Variants in TTL observed in about 807,000 individuals in gnomAD.
TTL encodes the protein tubulin tyrosine ligase, also known as tubulin--tyrosine ligase.
TTL carries 10 observed loss-of-function variants against 41.1 expected under a neutral mutation model. That is an observed-to-expected ratio of 0.24 (90% confidence interval 0.15 to 0.41). The LOEUF is 0.41. TTL is among the 10% of genes least tolerant of loss of function. The pLI is 1.00. For synonymous variants in TTL, 175 were observed against 175.5 expected (o/e 1.00, Z 0.02); for missense variants, 367 against 460.4 (o/e 0.80, Z 1.86).
rs747482188 is a variant in TTL at position 112,541,452 on chromosome 2, C to T, written c.*12657C>T. 1 of 152,174 alleles carries T rather than the reference C, an allele frequency of 6.6e-6. No individual in the cohort carries two copies. Among genetic ancestry groups the T allele is most frequent in the East Asian group, 1.9e-4 (1 of 5,188 alleles). The allele number at this position is 152,174 out of a possible 1,614,324, so 9.4% of individuals were successfully genotyped here. A position where few individuals can be genotyped will look rare whatever the true frequency, so the allele number is the denominator to read the frequency against. ...TCACTAGAGGCCGGAAGTTCAAGAC[C>T]AGCCTGTGCAACAGACTCCCGGCTC... On this transcript the variant is annotated 3_prime_UTR_variant, in exon 7 of 7. Transcript: ENST00000233336.
rs1574075329 is a variant in TTL at position 112,529,095 on chromosome 2, A to T, written c.*300A>T. ...TCCCCGGGAACGGCAGGGCACTGGG[A>T]CCTCTGGTCGGTGCCTCCCACCCAC... On this transcript the variant is annotated 3_prime_UTR_variant, in exon 7 of 7. Transcript: ENST00000233336. 1 of 453,432 alleles carries T rather than the reference A, an allele frequency of 2.2e-6. No individual in the cohort carries two copies. The highest frequency in any genetic ancestry group is 4.0e-6 in the Non-Finnish European group (1 of 246,914). The allele number at this position is 453,432 out of a possible 1,614,324, so 28.1% of individuals were successfully genotyped here.
Position 112,541,326 on chromosome 2 carries a change from C to A in TTL, c.*12531C>A, listed in dbSNP as rs1682730797. ...TTGCAAATCATGGATCTGACAAGGA[C>A]TAGTATAGGCTATATAAAGAACTAC... is the stretch of plus-strand genomic sequence containing the variant. On this transcript the variant is annotated 3_prime_UTR_variant, in exon 7 of 7. Coordinates refer to ENST00000233336, the MANE Select transcript of TTL (RefSeq NM_153712.5). The A allele has an allele frequency of 6.6e-6, 1 of 152,222 alleles. No homozygotes were observed. Among genetic ancestry groups the A allele is most frequent in the South Asian group, 2.1e-4 (1 of 4,818 alleles). The allele number at this position is 152,222 out of a possible 1,614,324, so 9.4% of individuals were successfully genotyped here.
intron 5 of TTL, among the ~76,000 whole-genome samples, 175 bp from the exon 6 acceptor site, chr2:112,520,107 G>GCAA (rs1464742177): frequency 2.1e-5 from 3 of 141,248 alleles, no homozygotes; most frequent in African/African-American, 8.0e-5. Context: ...TCCAGCCTGG[G>GCAA]CAACAAGAGC....
chr2:112,526,573 G>GT (rs200340096), intron 6 of TTL, among the ~76,000 whole-genome samples: 1,608 of 152,238 alleles, frequency 0.011, 15 homozygotes, highest in Non-Finnish European at 0.015. Flanking sequence ...GTTTATTTGT[G>GT]TAGAGGTGTT....
chr2:112,499,668 T>C (rs1443111663), intron 3 of TTL, among the ~76,000 whole-genome samples: 2 of 152,174 alleles, frequency 1.3e-5, no homozygotes, highest in African/African-American at 4.8e-5. Flanking sequence ...AAACACCTCA[T>C]TAGAGGATAA....
At chr2:112,513,076 C>T (rs1239109812) in intron 5 of TTL, among the ~76,000 whole-genome samples, 2 of 151,772 alleles carry the variant, frequency 1.3e-5, no homozygotes, top group Non-Finnish European at 2.9e-5. Context: ...AACCTTATAA[C>T]ATAGTTCACT....
rs1173711780 is a variant in TTL at position 112,482,334 on chromosome 2, G to A, written c.-11G>A. 14 of 1,495,174 alleles carry A rather than the reference G, an allele frequency of 9.4e-6. No individual in the cohort carries two copies. Among genetic ancestry groups the A allele is most frequent in the Non-Finnish European group, 1.2e-5 (13 of 1,118,604 alleles). The allele number at this position is 1,495,174 out of a possible 1,614,324, so 92.6% of individuals were successfully genotyped here. A position where few individuals can be genotyped will look rare whatever the true frequency, so the allele number is the denominator to read the frequency against. On this transcript the variant is annotated 5_prime_UTR_variant, in exon 1 of 7. Transcript: ENST00000233336. The surrounding 1 kb of genome is among the most constrained non-coding windows in gnomAD (Gnocchi z 5.3). ...CGGCTGCCCGGCGGCCCGGGCGCGC[G>A]GCGCTTCGCCATGTACACCTTCGTG...
chr2:112,511,206 G>T (rs1226122114), intron 5 of TTL, among the ~76,000 whole-genome samples: 2 of 151,590 alleles, frequency 1.3e-5, no homozygotes, highest in Non-Finnish European at 2.9e-5. Context: ...ACAGGGTTTT[G>T]CCCTGTTGCC....
At chr2:112,490,568 C>CTTTTTTTTTTTTTTTTTTTTTTTTT (rs35722764) in intron 2 of TTL, among the ~76,000 whole-genome samples, 1 of 110,684 alleles carries the variant, frequency 9.0e-6, no homozygotes. Context: ...CTTAGTAAAT[C>CTTTTTTTTTTTTTTTTTTTTTTTTT]TTTTTTTTTT....
chr2:112,511,717 A>C (rs1423806388), intron 5 of TTL, among the ~76,000 whole-genome samples: 2 of 151,096 alleles, frequency 1.3e-5, no homozygotes, highest in Non-Finnish European at 2.9e-5. Context: ...GGCACATGCT[A>C]TCATGCCCGG....
intron 3 of TTL, among the ~76,000 whole-genome samples, chr2:112,500,428 A>G (rs1468210318): frequency 1.3e-5 from 2 of 152,056 alleles, no homozygotes; most frequent in Admixed American, 6.5e-5. Flanking sequence ...AAAATTAGCC[A>G]GGCATGGTGG....
intron 6 of TTL, among the ~76,000 whole-genome samples, chr2:112,523,522 G>T (rs566753527): frequency 1.3e-5 from 2 of 149,452 alleles, no homozygotes; most frequent in East Asian, 3.9e-4. Flanking sequence ...CTGTCACTGG[G>T]GAGTCTTCCC....
At chr2:112,502,260 A>G (rs1574061730) in intron 4 of TTL, among the ~76,000 whole-genome samples, 1 of 152,314 alleles carries the variant, frequency 6.6e-6, no homozygotes, top group Middle Eastern at 3.4e-3. Context: ...CATAGGTCAG[A>G]TCATCTTCAG....
chr2:112,502,412 G>A (rs1681727046), intron 4 of TTL, among the ~76,000 whole-genome samples: 1 of 152,026 alleles, frequency 6.6e-6, no homozygotes, highest in African/African-American at 2.4e-5. Flanking sequence ...CAAGGTGGGT[G>A]GATCACCTGA....
chr2:112,525,334 A>G lies in TTL; in HGVS notation c.1020-3347A>G, dbSNP rs1452550376. ...TTTTTCCAATTCTGTGAAGAAAGTC[A>G]TTGGTAGCTTGATGGGGATGGCATT... is the stretch of plus-strand genomic sequence containing the variant. On this transcript the variant is annotated intron_variant, in intron 6 of 6. Transcript: ENST00000233336. Among the ~76,000 whole-genome samples the G allele has an allele frequency of 2.0e-5, 3 of 152,160 alleles. No homozygotes were observed. In the East Asian group the frequency reaches 5.8e-4, roughly 29 times the overall value.
chr2:112,492,916 A>C (rs1199286868), intron 2 of TTL, among the ~76,000 whole-genome samples: 1 of 152,126 alleles, frequency 6.6e-6, no homozygotes, highest in Admixed American at 6.6e-5. Flanking sequence ...AAATAAAATA[A>C]AAAATTAAAC....
At chr2:112,518,682 T>TC (rs1318119645) in intron 5 of TTL, among the ~76,000 whole-genome samples, 51 of 150,714 alleles carry the variant, frequency 3.4e-4, no homozygotes, top group Non-Finnish European at 6.5e-4. Flanking sequence ...TCTTTTCTTT[T>TC]TTTTTTTTTT....
rs896468608 is a variant in TTL at position 112,534,095 on chromosome 2, G to A, written c.*5300G>A. 2 of 152,128 alleles carry A rather than the reference G, an allele frequency of 1.3e-5. No individual in the cohort carries two copies. Among genetic ancestry groups the A allele is most frequent in the Non-Finnish European group, 2.9e-5 (2 of 68,078 alleles). 9.4% of individuals were successfully genotyped at this position (152,128 alleles called of 1,614,324 possible). On this transcript the variant is annotated 3_prime_UTR_variant, in exon 7 of 7. Coordinates refer to ENST00000233336, the MANE Select transcript of TTL (RefSeq NM_153712.5). ...CCAGCACTTCGGGAGGCCAAGGCGG[G>A]CGATCACGAGGTCAGGAGATGGAGA...
At chr2:112,496,665 CTGTGTGTGTGTGTGTGTG>C (rs10635241) in intron 3 of TTL, among the ~76,000 whole-genome samples, 21 of 106,050 alleles carry the variant, frequency 2.0e-4, no homozygotes, top group African/African-American at 6.7e-4. Flanking sequence ...ATATATGTGT[CTGTGTGTGTGTGTGTGTG>C]TGTGTGTGTG....
Sources: allele counts gnomAD v4.1 joint callset (sites outside exome capture counted in the v4.1 genomes callset), GRCh38; gene constraint gnomAD v4.1.1; non-coding constraint Gnocchi (gnomAD v3.1); transcripts MANE v1.5; gene names NCBI Gene and HGNC (gene_info 2026-07-23, HGNC 2026-07-21).